SLC9A3: variants seen among roughly 807,000 people sequenced by gnomAD.
SLC9A3 encodes sodium/hydrogen exchanger 3.
SLC9A3 carries 37 observed loss-of-function variants against 86.8 expected under a neutral mutation model. That is an observed-to-expected ratio of 0.43 (90% CI 0.33 to 0.56). The LOEUF is 0.56. Among genes scored for constraint, SLC9A3 ranks in the 20% least tolerant of loss-of-function variants. SLC9A3 has a pLI of 0.06. For missense variants in SLC9A3, 1,011 were observed against 1,171.9 expected (o/e 0.86, Z 2.00); for synonymous variants, 581 against 528.3 (o/e 1.10, Z -1.37).
rs1047666856 is a variant in SLC9A3 at position 491,751 on chromosome 5, A to G, written c.514+18T>C. 4 of 1,500,044 alleles carry G rather than the reference A, an allele frequency of 2.7e-6. No homozygotes were observed. The South Asian group carries it at 3.9e-5, about 15-fold the overall frequency. 92.9% of individuals were successfully genotyped at this position (1,500,044 alleles called of 1,614,324 possible). A position where few individuals can be genotyped will look rare whatever the true frequency, so the allele number is the denominator to read the frequency against. ...CCCCACCCTGATCCCGGCCGGGGCA[A>G]CAGTGGCGCAGACTCACCCATGAGC... On this transcript the variant is annotated intron_variant, in intron 2 of 16. Coordinates refer to ENST00000264938, the MANE Select transcript of SLC9A3 (RefSeq NM_004174.4). The surrounding 1 kb of genome is among the most constrained non-coding windows in gnomAD (Gnocchi z 9.2).
chr5:490,825 G>A (rs932731614), intron 2 of SLC9A3, among the ~76,000 whole-genome samples: 3 of 152,192 alleles, frequency 2.0e-5, no homozygotes, highest in Non-Finnish European at 2.9e-5. Context: ...CTGTGCCCTC[G>A]GCAGCTTTCC....
rs2303734 is a variant in SLC9A3 at position 484,828 on chromosome 5, G to C, written c.755-131C>G. The C allele has an allele frequency of 1.2e-5, 10 of 850,284 alleles. No individual in the cohort carries two copies. In the East Asian group the frequency reaches 2.6e-4, roughly 23 times the overall value. The allele number at this position is 850,284 out of a possible 1,614,324, so 52.7% of individuals were successfully genotyped here. ...TGGATCCCTCACTCTCTTGGAGATC[G>C]GGCCTGGTCTCAGCACCAGCCTTGG... On this transcript the variant is annotated intron_variant, in intron 4 of 16. Coordinates refer to ENST00000264938, the MANE Select transcript of SLC9A3 (RefSeq NM_004174.4).
Position 476,126 on chromosome 5 carries a change from A to T in SLC9A3, c.2068-34T>A, listed in dbSNP as rs1022516078. 1.0e-4 allele frequency: 166 copies of T among 1,612,048 alleles called. 1 individual carries two copies. Among genetic ancestry groups the T allele is most frequent in the Non-Finnish European group, 1.3e-4 (159 of 1,179,060 alleles). Reference sequence around the variant, plus strand: ...CAAACGTGAAGCTGCTCACACCCCGACACAGCCACACCCAGCCCTGACTGC... The same window carrying T: ...CAAACGTGAAGCTGCTCACACCCCGTCACAGCCACACCCAGCCCTGACTGC... On this transcript the variant is annotated intron_variant, in intron 13 of 16. Coordinates refer to ENST00000264938, the MANE Select transcript of SLC9A3 (RefSeq NM_004174.4).
intron 1 of SLC9A3, among the ~76,000 whole-genome samples, chr5:493,827 C>T (rs922183236): frequency 7.9e-5 from 12 of 152,230 alleles, no homozygotes; most frequent in Non-Finnish European, 1.5e-5. Context: ...GACGGCTCCC[C>T]CACTCCGGGC....
At position 496,769 on chromosome 5, in the gene SLC9A3, G is replaced by T. The variant is rs951488140; in HGVS notation, c.212-4698C>A. Among the ~76,000 whole-genome samples, 6 of 152,110 alleles carry T rather than the reference G, an allele frequency of 3.9e-5. 1 individual carries two copies. The highest frequency in any genetic ancestry group is 1.3e-4 in the Admixed American group (2 of 15,274). ...TCAATTAAATTTTCCTTGAAGGCTG[G>T]ACTTAGTGGTTCACACCTGTAATCC... is the stretch of plus-strand genomic sequence containing the variant. On this transcript the variant is annotated intron_variant, in intron 1 of 16. Transcript: ENST00000264938. This position sits in a 1 kb window ranked among gnomAD's most constrained non-coding sequence, Gnocchi z 4.7.
intron 2 of SLC9A3, among the ~76,000 whole-genome samples, chr5:489,380 G>C (rs1739621184): frequency 6.6e-6 from 1 of 152,212 alleles, no homozygotes; most frequent in Non-Finnish European, 1.5e-5. Context: ...TGCTGGGCTG[G>C]AGCGGAGCCC....
At position 484,147 on chromosome 5, in the gene SLC9A3, G is replaced by A. The variant is rs1184649563; in HGVS notation, c.932+373C>T. 4.6e-4 allele frequency among the ~76,000 whole-genome samples: 55 copies of A among 120,084 alleles called. 1 individual carries two copies. Among genetic ancestry groups the A allele is most frequent in the Admixed American group, 2.4e-3 (29 of 12,040 alleles). 78.8% of individuals were successfully genotyped at this position (120,084 alleles called of 152,430 possible). ...GGGTTGGGGTCCCCCTGGCTGGCTC[G>A]CCCCGCCGGACCCAGGAGGGTGTGG... On this transcript the variant is annotated intron_variant, in intron 5 of 16. Transcript: ENST00000264938.
intron 15 of SLC9A3, 124 bp downstream of exon 15, chr5:475,437 T>C: frequency 4.5e-6 from 3 of 662,378 alleles, no homozygotes; most frequent in Non-Finnish European, 7.9e-6. Context: ...AGCAGGGCCC[T>C]TGAGAACCCA....
intron 5 of SLC9A3, among the ~76,000 whole-genome samples, chr5:483,989 G>A (rs1442470820): frequency 6.6e-6 from 1 of 152,384 alleles, no homozygotes; most frequent in South Asian, 2.1e-4. Context: ...GGGTTCACGG[G>A]GAACTTGGTG....
At chr5:494,476 A>G (rs1380538622) in intron 1 of SLC9A3, among the ~76,000 whole-genome samples, 1 of 152,202 alleles carries the variant, frequency 6.6e-6, no homozygotes, top group African/African-American at 2.4e-5. Flanking sequence ...GAGTCTGCAC[A>G]CTAAGGGCTC....
chr5:488,563 G>A, intron 2 of SLC9A3, 87 bp from the exon 3 acceptor site: 3 of 1,354,016 alleles, frequency 2.2e-6, no homozygotes, highest in South Asian at 3.0e-5. Context: ...TACGGGTCGG[G>A]GTTCGGAGCC....
Position 473,240 on chromosome 5 carries a change from C to A in SLC9A3, c.*139G>T, listed in dbSNP as rs1287162456. ...TCTCGGAGTTCTGCGCAGGCGCTGGCGTGGGCGAGGCGGGGCTCGGGGCTC... is the reference window on the plus strand; with the variant it reads ...TCTCGGAGTTCTGCGCAGGCGCTGGAGTGGGCGAGGCGGGGCTCGGGGCTC... On this transcript the variant is annotated 3_prime_UTR_variant, in exon 17 of 17. Coordinates refer to ENST00000264938, the MANE Select transcript of SLC9A3 (RefSeq NM_004174.4). The A allele has an allele frequency of 1.5e-5, 14 of 953,746 alleles. No individual in the cohort carries two copies. The East Asian group carries it at 3.1e-4, about 21-fold the overall frequency. The allele number at this position is 953,746 out of a possible 1,614,324, so 59.1% of individuals were successfully genotyped here. A position where few individuals can be genotyped will look rare whatever the true frequency, so the allele number is the denominator to read the frequency against.
intron 1 of SLC9A3, among the ~76,000 whole-genome samples, chr5:516,484 G>A (rs957104577): frequency 1.3e-5 from 2 of 152,242 alleles, no homozygotes; most frequent in African/African-American, 4.8e-5. Context: ...CCAGGAGGGT[G>A]CCAGGTTGGG....
At chr5:524,040 A>T in intron 1 of SLC9A3, 72 bp downstream of exon 1, 2 of 1,074,298 alleles carry the variant, frequency 1.9e-6, no homozygotes, top group Non-Finnish European at 2.5e-6. Context: ...CGCGGCCACA[A>T]CGAAGCCCCC....
chr5:523,604 T>TAAA (rs1280162903), intron 1 of SLC9A3, among the ~76,000 whole-genome samples: 2 of 108,272 alleles, frequency 1.8e-5, no homozygotes, highest in African/African-American at 6.9e-5. Context: ...CGGGATTTTC[T>TAAA]AAAAAAAAAA....
intron 6 of SLC9A3, 68 bp from the exon 7 acceptor site, chr5:482,818 G>A (rs928597121): frequency 2.9e-5 from 38 of 1,292,556 alleles, no homozygotes; most frequent in Middle Eastern, 2.0e-4. Flanking sequence ...CAGCCCCTCC[G>A]GGACAGCGTC....
chr5:485,041 G>A, intron 4 of SLC9A3, 112 bp downstream of exon 4: 1 of 813,458 alleles, frequency 1.2e-6, no homozygotes, highest in Non-Finnish European at 2.2e-6. Flanking sequence ...GAAGGGCCCA[G>A]TGTAGCAGCT....
At position 475,820 on chromosome 5, in the gene SLC9A3, C is replaced by A; in HGVS notation, c.2141-149G>T. 5 of 693,602 alleles carry A rather than the reference C, an allele frequency of 7.2e-6. No homozygotes were observed. In the South Asian group the frequency reaches 8.8e-5, roughly 12 times the overall value. The allele number at this position is 693,602 out of a possible 1,614,324, so 43.0% of individuals were successfully genotyped here. A position where few individuals can be genotyped will look rare whatever the true frequency, so the allele number is the denominator to read the frequency against. On this transcript the variant is annotated intron_variant, in intron 14 of 16. Transcript: ENST00000264938. ...CTAAACCGCAGGGCTGGAGGAGGGA[C>A]CCCACTTAGAGGGCAGTGTCCCTGG...
rs1295296050 is a variant in SLC9A3, at chr5:472,717, C to G, written c.*662G>C. On this transcript the variant is annotated 3_prime_UTR_variant, in exon 17 of 17. Coordinates refer to ENST00000264938, the MANE Select transcript of SLC9A3 (RefSeq NM_004174.4). ...ACCTGGCGAGGGCCTGGAAACGGCG[C>G]TCGGCCCAGGCCGCTTGCGGGCGCT... 2 of 562,266 alleles carry G rather than the reference C, an allele frequency of 3.6e-6. No homozygotes were observed. Among genetic ancestry groups the G allele is most frequent in the Admixed American group, 4.4e-5 (2 of 45,368 alleles). 34.8% of individuals were successfully genotyped at this position (562,266 alleles called of 1,614,324 possible).
Sources: allele counts gnomAD v4.1 joint callset (sites outside exome capture counted in the v4.1 genomes callset), GRCh38; gene constraint gnomAD v4.1.1; non-coding constraint Gnocchi (gnomAD v3.1); transcripts MANE v1.5; gene names NCBI Gene and HGNC (gene_info 2026-07-23, HGNC 2026-07-21).